ANO1: variants seen among roughly 807,000 people sequenced by gnomAD.
ANO1 encodes the protein anoctamin 1, also known as anoctamin-1.
In ANO1, 59 loss-of-function variants were observed where a neutral mutation model predicts 124.0. The ratio of observed to expected loss-of-function variants is 0.48; its 90% confidence interval spans 0.39 to 0.59. The LOEUF is 0.59. Ranked by LOEUF, ANO1 falls within the 20% of genes least tolerant of loss-of-function variation. ANO1 has a pLI of 0.00. For synonymous variants in ANO1, 529 were observed against 532.0 expected, an observed-to-expected ratio of 0.99 and a Z score of 0.08; for missense variants, 1,059 against 1,328.0, an observed-to-expected ratio of 0.80 and a Z score of 3.15.
At chr11:70,150,901 T>G (rs1251278582) in intron 12 of ANO1, among the ~76,000 whole-genome samples, 1 of 152,258 alleles carries the variant, frequency 6.6e-6, no homozygotes, top group Non-Finnish European at 1.5e-5. Flanking sequence ...TCACACAATC[T>G]GCTCCCTCTC....
rs117162799 is a variant in ANO1 at position 70,121,276 on chromosome 11, A to G, written c.898-3074A>G. On this transcript the variant is annotated intron_variant, in intron 8 of 25. Transcript: ENST00000355303. ...CTCTGCCTCTCTCTCCATCTCCCCC[A>G]TGTCTCTCTGTCTGTCTGTCTGTCT... is the stretch of plus-strand genomic sequence containing the variant. Among the ~76,000 whole-genome samples the G allele has an allele frequency of 3.9e-5, 4 of 101,800 alleles. No individual in the cohort carries two copies. In the Admixed American group the frequency reaches 4.6e-4, roughly 12 times the overall value. 66.8% of individuals were successfully genotyped at this position (101,800 alleles called of 152,430 possible). A position where few individuals can be genotyped will look rare whatever the true frequency, so the allele number is the denominator to read the frequency against.
At chr11:70,095,289 AAGGAAGGAAG>A (rs2044829415) in intron 2 of ANO1, among the ~76,000 whole-genome samples, 1 of 102,016 alleles carries the variant, frequency 9.8e-6, no homozygotes, top group Admixed American at 9.1e-5. Flanking sequence ...GGAAGGAAGG[AAGGAAGGAAG>A]GAAAGAAAGA....
intron 1 of ANO1, among the ~76,000 whole-genome samples, chr11:70,023,481 T>G (rs72937696): frequency 0.032 from 4,945 of 152,292 alleles, 125 homozygotes; most frequent in Non-Finnish European, 0.051. Context: ...CTTCCCCAAA[T>G]GTAGATGACC....
intron 15 of ANO1, 66 bp from the exon 16 acceptor site, chr11:70,156,881 G>A (rs3781658): frequency 0.44 from 648,170 of 1,483,516 alleles, 144,415 homozygotes; most frequent in East Asian, 0.7. Flanking sequence ...ATGCACCCAC[G>A]CTGACACACA....
chr11:69,979,450 T>C, the ANO1 span, among the ~76,000 whole-genome samples: 1 of 152,332 alleles, frequency 6.6e-6, no homozygotes, highest in East Asian at 1.9e-4. Context: ...CAAGCCATTC[T>C]TCCTCTCTGC....
At chr11:70,159,703 G>A (rs938598785) in intron 16 of ANO1, among the ~76,000 whole-genome samples, 1 of 152,200 alleles carries the variant, frequency 6.6e-6, no homozygotes, top group African/African-American at 2.4e-5. Flanking sequence ...GGACGCGCCC[G>A]CTGGGGTGGA....
intron 20 of ANO1, among the ~76,000 whole-genome samples, 163 bp from the exon 21 acceptor site, chr11:70,167,079 A>G (rs2048282462): frequency 6.6e-6 from 1 of 152,134 alleles, no homozygotes. Context: ...CCAAGGAGGC[A>G]GAGGTTGCAG....
chr11:70,048,909 G>A (rs1159644827), intron 1 of ANO1, among the ~76,000 whole-genome samples: 3 of 152,134 alleles, frequency 2.0e-5, no homozygotes, highest in Non-Finnish European at 4.4e-5. Context: ...AGTGGAAACA[G>A]GTTCTTCTTG....
At chr11:70,073,493 A>C (rs2044011204), upstream of ANO1, among the ~76,000 whole-genome samples, 1 of 152,224 alleles carries the variant, frequency 6.6e-6, no homozygotes, top group Non-Finnish European at 1.5e-5. Flanking sequence ...TGTTAAATAA[A>C]TAAACATAAA....
chr11:70,175,588 G>T (rs2048662756), intron 22 of ANO1, among the ~76,000 whole-genome samples: 1 of 152,224 alleles, frequency 6.6e-6, no homozygotes. Context: ...CCCTAGCCCT[G>T]GTTTCGACTT....
chr11:70,146,092 C>T (rs191890355), intron 11 of ANO1, among the ~76,000 whole-genome samples: 35 of 152,228 alleles, frequency 2.3e-4, no homozygotes, highest in African/African-American at 4.8e-5. Context: ...AGATTTGTGA[C>T]GCTACAGCTA....
intron 1 of ANO1, among the ~76,000 whole-genome samples, chr11:70,061,103 C>T (rs971921233): frequency 5.3e-5 from 8 of 151,912 alleles, no homozygotes; most frequent in African/African-American, 9.7e-5. Context: ...ATTAACTGAA[C>T]GTGCAGGAAG....
Position 70,026,324 on chromosome 11 carries a change from ATGG to A in ANO1, c.58+40182_58+40184del, listed in dbSNP as rs797043741. ...GGTAGTGGTAATGATGGCATTGATG[ATGG>A]TGGTGGTGGTGGTGGTGGTGGTGAC... On this transcript the variant is annotated intron_variant, in intron 1 of 27. Transcript: ENST00000531349. Among the ~76,000 whole-genome samples the A allele has an allele frequency of 6.9e-3, 1,002 of 145,590 alleles. 8 individuals carry two copies. Among genetic ancestry groups the A allele is most frequent in the East Asian group, 0.024 (114 of 4,698 alleles).
intron 10 of ANO1, among the ~76,000 whole-genome samples, chr11:70,130,023 G>C (rs1426433303): frequency 3.9e-5 from 6 of 152,202 alleles, no homozygotes; most frequent in African/African-American, 1.4e-4. Context: ...TCAGAGCCTT[G>C]CAAGGGACGT....
chr11:70,044,668 G>T (rs1555005385), intron 1 of ANO1, among the ~76,000 whole-genome samples: 1 of 152,088 alleles, frequency 6.6e-6, no homozygotes, highest in African/African-American at 2.4e-5. Context: ...TGAGGAACAG[G>T]ATATTTACAT....
intron 14 of ANO1, among the ~76,000 whole-genome samples, chr11:70,155,611 G>A (rs375759551): frequency 2.0e-5 from 3 of 152,188 alleles, no homozygotes; most frequent in African/African-American, 4.8e-5. Context: ...ACTACCTCCC[G>A]CTGGAATCCA....
chr11:70,095,895 T>G (rs997463643), intron 2 of ANO1, among the ~76,000 whole-genome samples: 1 of 152,226 alleles, frequency 6.6e-6, no homozygotes, highest in Non-Finnish European at 1.5e-5. Context: ...AGGAGTTCTA[T>G]TTGGTTCTTT....
At chr11:70,108,534 C>T (rs1458489136) in intron 6 of ANO1, 130 bp downstream of exon 6, 24 of 1,007,992 alleles carry the variant, frequency 2.4e-5, no homozygotes, top group Middle Eastern at 2.2e-4. Context: ...GCCTGTGTAA[C>T]AGTTCCAGAC....
At position 70,188,158 on chromosome 11, in the gene ANO1, T is replaced by C. The variant is rs1393201323; in HGVS notation, c.*154T>C. The C allele has an allele frequency of 2.2e-6, 2 of 891,660 alleles. No homozygotes were observed. The highest frequency in any genetic ancestry group is 5.4e-5 in the East Asian group (2 of 37,328). 55.2% of individuals were successfully genotyped at this position (891,660 alleles called of 1,614,324 possible). A position where few individuals can be genotyped will look rare whatever the true frequency, so the allele number is the denominator to read the frequency against. On this transcript the variant is annotated 3_prime_UTR_variant, in exon 26 of 26. Transcript: ENST00000355303. ...CTTTCTGATAGGACATTTTCCTTTC[T>C]TCTTTCTGTTTTCTTTCCCTTGTTT...
Sources: allele counts gnomAD v4.1 joint callset (sites outside exome capture counted in the v4.1 genomes callset), GRCh38; gene constraint gnomAD v4.1.1; transcripts MANE v1.5; gene names NCBI Gene and HGNC (gene_info 2026-07-23, HGNC 2026-07-21).